The following ATP2A2 variants were observed in gnomAD, a reference collection of about 807,000 sequenced individuals.
ATP2A2 encodes sarcoplasmic/endoplasmic reticulum calcium ATPase 2.
ATP2A2 carries 14 observed loss-of-function variants against 109.3 expected under a neutral mutation model. The ratio of observed to expected loss-of-function variants is 0.13; its 90% CI spans 0.08 to 0.20. ATP2A2 has a LOEUF of 0.20. ATP2A2 is among the 10% of genes least tolerant of loss of function. ATP2A2 has a pLI of 1.00. For missense variants in ATP2A2, 657 were observed against 1,321.6 expected (o/e 0.50, Z 7.80); for synonymous variants, 506 against 490.9 (o/e 1.03, Z -0.41).
At chr12:110,345,014 T>C (rs1879708471) in intron 17 of ATP2A2, 43 bp downstream of exon 17, 1 of 1,594,064 alleles carries the variant, frequency 6.3e-7, no homozygotes, top group Non-Finnish European at 8.6e-7. Context: ...TGAGAAGTGT[T>C]GTGAGGCCTT....
Position 110,346,840 on chromosome 12 carries a change from T to G in ATP2A2, c.*370T>G, listed in dbSNP as rs965668265. The G allele has an allele frequency of 1.9e-5, 21 of 1,123,650 alleles. No homozygotes were observed. The Admixed American group carries it at 6.3e-4, about 34-fold the overall frequency. 69.6% of individuals were successfully genotyped at this position (1,123,650 alleles called of 1,614,324 possible). ...GATTTTAGGAAATGAATGTGTGTGGTTTTTTTTCTAAAACTAAATAGCATG... is the reference window on the plus strand; with the variant it reads ...GATTTTAGGAAATGAATGTGTGTGGGTTTTTTTCTAAAACTAAATAGCATG... On this transcript the variant is annotated 3_prime_UTR_variant, in exon 20 of 20. Coordinates refer to ENST00000539276, the MANE Select transcript of ATP2A2 (RefSeq NM_170665.4).
chr12:110,314,931 A>T (rs1876502119), intron 5 of ATP2A2, among the ~76,000 whole-genome samples: 1 of 148,824 alleles, frequency 6.7e-6, no homozygotes, highest in Admixed American at 6.7e-5. Flanking sequence ...CAGTGGCATG[A>T]TCTCAGCTCA....
intron 5 of ATP2A2, among the ~76,000 whole-genome samples, chr12:110,308,177 A>G (rs2137757194): frequency 6.6e-6 from 1 of 152,294 alleles, no homozygotes; most frequent in African/African-American, 2.4e-5. Flanking sequence ...TGCATTTGCA[A>G]ATGAAAATGT....
Position 110,341,014 on chromosome 12 carries a change from TACAGGTGACTCAGGC to T in ATP2A2, c.2097+21_2097+35del. ...GCTATGGTGAGCATGTTTGAACATG[TACAGGTGACTCAGGC>T]TACACAAGCACATAGTAGCCTCTAA... On this transcript the variant is annotated intron_variant, in intron 14 of 19. Coordinates refer to ENST00000539276, the MANE Select transcript of ATP2A2 (RefSeq NM_170665.4). 6.2e-7 allele frequency: 1 copy of T among 1,612,774 alleles called. No homozygotes were observed. Among genetic ancestry groups the T allele is most frequent in the Non-Finnish European group, 8.5e-7 (1 of 1,178,824 alleles).
At chr12:110,314,387 A>G (rs751794997) in intron 5 of ATP2A2, among the ~76,000 whole-genome samples, 22 of 152,164 alleles carry the variant, frequency 1.4e-4, no homozygotes, top group Admixed American at 8.5e-4. Context: ...AGTGCCAGAA[A>G]AATACAAGAT....
chr12:110,305,620 C>G (rs1875204536), intron 5 of ATP2A2, among the ~76,000 whole-genome samples: 1 of 152,202 alleles, frequency 6.6e-6, no homozygotes, highest in African/African-American at 2.4e-5. Context: ...TAGGTCAGTA[C>G]CATACTGTCT....
Position 110,340,880 on chromosome 12 carries a change from C to T in ATP2A2, c.1983C>T (p.Asn661=), listed in dbSNP as rs755494363. Residue 661 remains asparagine (N), a synonymous_variant, in exon 14 of 20, where the codon AAC becomes AAT. Coordinates refer to ENST00000539276, the MANE Select transcript of ATP2A2 (RefSeq NM_170665.4). The surrounding 1 kb of genome is among the most constrained non-coding windows in gnomAD (Gnocchi z 6.0). The part of the protein sequence containing the change: ...AFTGREFDEL[N]PSAQRDACLN... ...CAGGCCGGGAGTTTGATGAACTCAACCCCTCCGCCCAGCGAGACGCCTGCC... is the reference window on the plus strand; with the variant it reads ...CAGGCCGGGAGTTTGATGAACTCAATCCCTCCGCCCAGCGAGACGCCTGCC... 1.9e-4 allele frequency: 305 copies of T among 1,614,110 alleles called. No individual in the cohort carries two copies. The highest frequency in any genetic ancestry group is 2.5e-4 in the Non-Finnish European group (291 of 1,180,054).
In ATP2A2 at chr12:110,347,435, A is replaced by G. The variant is rs1352362062; in HGVS notation, c.*965A>G. 3 of 1,288,996 alleles carry G rather than the reference A, an allele frequency of 2.3e-6. No homozygotes were observed. Among genetic ancestry groups the G allele is most frequent in the African/African-American group, 1.5e-5 (1 of 65,828 alleles). The allele number at this position is 1,288,996 out of a possible 1,614,324, so 79.8% of individuals were successfully genotyped here. A position where few individuals can be genotyped will look rare whatever the true frequency, so the allele number is the denominator to read the frequency against. ...TAGTTGTACTCTGCTTGAGGGGAAG[A>G]AGGCTCCTGCTCTGCTGTGTAGGTA... On this transcript the variant is annotated 3_prime_UTR_variant, in exon 20 of 20. Transcript: ENST00000539276.
chr12:110,317,524 C>T (rs1014707420), intron 5 of ATP2A2, among the ~76,000 whole-genome samples: 2 of 152,042 alleles, frequency 1.3e-5, no homozygotes, highest in African/African-American at 4.8e-5. Flanking sequence ...ATTATAGGCG[C>T]CCGCCACCAT....
chr12:110,324,276 G>A (rs192997255), intron 6 of ATP2A2, among the ~76,000 whole-genome samples: 1 of 152,014 alleles, frequency 6.6e-6, no homozygotes, highest in African/African-American at 2.4e-5. Context: ...TTTTGGTATT[G>A]TTTCTTTATA....
chr12:110,343,235 T>C lies in ATP2A2; in HGVS notation c.2322T>C (p.Ile774=). 4 of 1,614,030 alleles carry C rather than the reference T, an allele frequency of 2.5e-6. No homozygotes were observed. The highest frequency in any genetic ancestry group is 3.4e-6 in the Non-Finnish European group (4 of 1,179,996). ...TTCTTTTCTTGATTGGAAACAGTATTTTCCTGACAGCAGCCCTTGGATTTC... is the reference window on the plus strand; with the variant it reads ...TTCTTTTCTTGATTGGAAACAGTATCTTCCTGACAGCAGCCCTTGGATTTC... The part of the protein sequence containing the change: ...ISSNVGEVVC[I]FLTAALGFPE... The change falls in exon 16 of 20, where the codon ATT becomes ATC. Residue 774 remains isoleucine, a synonymous_variant. Coordinates refer to ENST00000539276, the MANE Select transcript of ATP2A2 (RefSeq NM_170665.4).
At chr12:110,345,829 C>T (rs1293469004) in intron 18 of ATP2A2, 172 bp from the exon 19 acceptor site, 1 of 714,122 alleles carries the variant, frequency 1.4e-6, no homozygotes, top group African/African-American at 1.7e-5. Context: ...ACAGTTTGTC[C>T]TGCATTAGGA....
intron 3 of ATP2A2, among the ~76,000 whole-genome samples, chr12:110,283,921 T>A (rs1236357677): frequency 6.6e-6 from 1 of 152,232 alleles, no homozygotes; most frequent in African/African-American, 2.4e-5. Context: ...GAGGAAAAGA[T>A]TAAATTTATA....
rs1880102507 is a variant in ATP2A2 at position 110,348,569 on chromosome 12, TA to T, written c.*2103del. ...GAGGTGGAACCTGGAGACCGACTCT[TA>T]AAAGCACAGTCCGTGGTTGGGTGTG... On this transcript the variant is annotated 3_prime_UTR_variant, in exon 20 of 20. Transcript: ENST00000539276. 2 of 985,452 alleles carry T rather than the reference TA, an allele frequency of 2.0e-6. No individual in the cohort carries two copies. Among genetic ancestry groups the T allele is most frequent in the Middle Eastern group, 5.2e-4 (1 of 1,916 alleles). 61.0% of individuals were successfully genotyped at this position (985,452 alleles called of 1,614,324 possible). A position where few individuals can be genotyped will look rare whatever the true frequency, so the allele number is the denominator to read the frequency against.
In ATP2A2 at chr12:110,282,767, T is replaced by A; in HGVS notation, c.191T>A (p.Ile64Asn). The change falls in exon 3 of 20, where the codon ATT becomes AAT. Residue 64 changes from isoleucine to asparagine, a missense_variant. Transcript: ENST00000539276. ...CAGTTTGAAGACTTGCTAGTTAGGA[T>A]TTTATTACTGGCAGCATGTATATCT... ...IEQFEDLLVR[I>N]LLLAACISFV... 1 of 1,614,012 alleles carries A rather than the reference T, an allele frequency of 6.2e-7. No homozygotes were observed. The highest frequency in any genetic ancestry group is 8.5e-7 in the Non-Finnish European group (1 of 1,179,920).
chr12:110,288,924 C>T (rs761598811), intron 3 of ATP2A2, among the ~76,000 whole-genome samples: 4 of 152,310 alleles, frequency 2.6e-5, no homozygotes, highest in Middle Eastern at 6.8e-3. Context: ...CTCCCAGTCT[C>T]ATGGTTTCTG....
In ATP2A2 at chr12:110,292,121, G is replaced by A; in HGVS notation, c.321G>A (p.Trp107Ter). 1 of 1,612,752 alleles carries A rather than the reference G, an allele frequency of 6.2e-7. No individual in the cohort carries two copies. Among genetic ancestry groups the A allele is most frequent in the Non-Finnish European group, 8.5e-7 (1 of 1,178,796 alleles). ...ILVANAIVGV[W>*]QERNAENAIE... is the part of the protein sequence containing the mutation. ...TAGCCAATGCAATTGTGGGTGTATG[G>A]CAGGTAAGCAAAAATTCCTGTACTG... Residue 107 changes from tryptophan (W) to a stop codon, truncating the protein, a stop_gained, in exon 4 of 20, where the codon TGG (tryptophan) becomes TGA (stop). Coordinates refer to ENST00000539276, the MANE Select transcript of ATP2A2 (RefSeq NM_170665.4). LOFTEE classifies it high-confidence loss of function.
chr12:110,332,486 C>A, intron 8 of ATP2A2, 111 bp from the exon 9 acceptor site: 1 of 935,450 alleles, frequency 1.1e-6, no homozygotes, highest in Non-Finnish European at 1.8e-6. Context: ...AAGTTGTTTT[C>A]GTAAATGAAA....
In ATP2A2 at chr12:110,348,163, A is replaced by C; in HGVS notation, c.*1693A>C. The C allele has an allele frequency of 1.0e-6, 1 of 985,456 alleles. No individual in the cohort carries two copies. The highest frequency in any genetic ancestry group is 1.2e-6 in the Non-Finnish European group (1 of 829,960). 61.0% of individuals were successfully genotyped at this position (985,456 alleles called of 1,614,324 possible). A position where few individuals can be genotyped will look rare whatever the true frequency, so the allele number is the denominator to read the frequency against. On this transcript the variant is annotated 3_prime_UTR_variant, in exon 20 of 20. Coordinates refer to ENST00000539276, the MANE Select transcript of ATP2A2 (RefSeq NM_170665.4). ...CCAGGAGTCATCCCAGAACATTGCT[A>C]CTTATTTATTAAAAAGCTAAAAACT... is the stretch of plus-strand genomic sequence containing the variant.
Sources: gnomAD v4.1 joint callset for allele counts (sites outside exome capture counted in the v4.1 genomes callset) on GRCh38, gnomAD v4.1.1 for gene constraint, Gnocchi (gnomAD v3.1) non-coding constraint, MANE v1.5 for transcripts, NCBI Gene and HGNC (gene_info 2026-07-23, HGNC 2026-07-21) for gene names.